Variants in ACACB observed in about 807,000 individuals in gnomAD.
ACACB encodes the protein acetyl-CoA carboxylase beta.
A neutral mutation model predicts 278.8 loss-of-function variants in ACACB; 209 were observed. The observed-to-expected ratio is 0.75, with a 90% CI of 0.67 to 0.84. The LOEUF is 0.84. Among genes scored for constraint, ACACB ranks in the 40% least tolerant of loss-of-function variants. ACACB has a pLI of 0.00. For synonymous variants in ACACB, 1,174 were observed against 1,285.6 expected (o/e 0.91, Z 1.86); for missense variants, 2,850 against 3,269.0 (o/e 0.87, Z 3.13).
Position 109,246,488 on chromosome 12 carries a change from G to T in ACACB, c.5571+40G>T. ...TGGCGGGGCAGGGTGATTCTGCTCA[G>T]CTACTACTGTATTTTCAGTGGGAGT... On this transcript the variant is annotated intron_variant, in intron 39 of 52. Coordinates refer to ENST00000338432, the MANE Select transcript of ACACB (RefSeq NM_001093.4). 3.1e-6 allele frequency: 5 copies of T among 1,592,206 alleles called. No homozygotes were observed. The South Asian group carries it at 5.6e-5, about 18-fold the overall frequency.
At position 109,171,872 on chromosome 12, in the gene ACACB, C is replaced by T. The variant is rs201273973; in HGVS notation, c.993C>T (p.Asn331=). Residue 331 remains asparagine (N), a synonymous_variant, in exon 5 of 53, where the codon AAC becomes AAT. Transcript: ENST00000338432. ...PGGPNNNNYA[N]VELIVDIAKR... ...GGCCCAATAACAACAACTATGCCAA[C>T]GTGGAGCTGATTGTGGACATTGCCA... 4.0e-4 allele frequency: 651 copies of T among 1,614,116 alleles called. 6 individuals carry two copies. In the South Asian group the frequency reaches 5.4e-3, roughly 13 times the overall value.
At chr12:109,242,895 G>T (rs1279106495) in intron 37 of ACACB, among the ~76,000 whole-genome samples, 1 of 152,152 alleles carries the variant, frequency 6.6e-6, no homozygotes, top group African/African-American at 2.4e-5. Flanking sequence ...GAGCCTGGGA[G>T]GTCGAGGCTG....
intron 3 of ACACB, 59 bp downstream of exon 3, chr12:109,167,052 C>T (rs1345264112): frequency 8.6e-5 from 139 of 1,607,780 alleles, no homozygotes; most frequent in Non-Finnish European, 1.2e-4. Context: ...GGCCCCTCCT[C>T]TCAGCTGGAG....
rs779743482 is a variant in ACACB, at chr12:109,188,173, CCTTCCTT to C, written c.2144+13_2144+19del. The C allele has an allele frequency of 5.0e-4, 20 of 40,298 alleles. No homozygotes were observed. The highest frequency in any genetic ancestry group is 2.6e-3 in the African/African-American group (5 of 1,958). 2.5% of individuals were successfully genotyped at this position (40,298 alleles called of 1,614,324 possible). On this transcript the variant is annotated intron_variant, in intron 13 of 52. Coordinates refer to ENST00000338432, the MANE Select transcript of ACACB (RefSeq NM_001093.4). ...GGAAGAGGCCATTTCGTCAGTATCT[CCTTCCTT>C]CCTTCCTTCCTTCCTTCCTTCCTTC...
intron 36 of ACACB, chr12:109,241,536 C>T (rs1472493766): frequency 2.1e-6 from 1 of 466,304 alleles, no homozygotes; most frequent in Non-Finnish European, 4.0e-6. Flanking sequence ...TTGATAGAGA[C>T]AAGGTGTCAC....
Position 109,237,397 on chromosome 12 carries a change from C to T in ACACB, c.4662+17C>T. The T allele has an allele frequency of 6.2e-7, 1 of 1,604,938 alleles. No homozygotes were observed. Among genetic ancestry groups the T allele is most frequent in the Non-Finnish European group, 8.5e-7 (1 of 1,174,898 alleles). Reference sequence around the variant, plus strand: ...ATCACAAAGGTAAGATGTCGCAGAGCATTTCTTCCTCTCTCAGAACCTGGC... The same window carrying T: ...ATCACAAAGGTAAGATGTCGCAGAGTATTTCTTCCTCTCTCAGAACCTGGC... On this transcript the variant is annotated intron_variant, in intron 34 of 52. Coordinates refer to ENST00000338432, the MANE Select transcript of ACACB (RefSeq NM_001093.4).
chr12:109,265,683 A>T (rs1437932484), intron 52 of ACACB, among the ~76,000 whole-genome samples, 158 bp downstream of exon 52: 1 of 151,696 alleles, frequency 6.6e-6, no homozygotes, highest in African/African-American at 2.4e-5. Context: ...AAGAGACCAC[A>T]CTCCCTAATG....
At chr12:109,229,310 G>A (rs1215155189) in intron 28 of ACACB, among the ~76,000 whole-genome samples, 3 of 152,128 alleles carry the variant, frequency 2.0e-5, no homozygotes, top group Non-Finnish European at 4.4e-5. Context: ...TCGTTTTACA[G>A]ATGGGAGCCC....
chr12:109,127,034 C>A (rs563896798), intron 1 of ACACB, among the ~76,000 whole-genome samples: 2 of 152,308 alleles, frequency 1.3e-5, no homozygotes, highest in African/African-American at 4.8e-5. Context: ...GGCTGGGATT[C>A]CCTGAAGACC....
intron 2 of ACACB, among the ~76,000 whole-genome samples, chr12:109,157,771 C>G (rs12818998): frequency 0.22 from 32,960 of 152,126 alleles, 4,142 homozygotes; most frequent in South Asian, 0.28. Context: ...GGTGAGGTCG[C>G]AAATGATGAC....
intron 21 of ACACB, among the ~76,000 whole-genome samples, chr12:109,210,491 A>ACG (rs2045799071): frequency 6.7e-6 from 1 of 148,458 alleles, no homozygotes; most frequent in Non-Finnish European, 1.5e-5. Flanking sequence ...ATGTGTATAT[A>ACG]TACATGTATG....
chr12:109,179,481 C>A, intron 10 of ACACB, 184 bp downstream of exon 10: 1 of 649,618 alleles, frequency 1.5e-6, no homozygotes. Context: ...TCTGTGAACT[C>A]CCCAAATATT....
At chr12:109,187,431 T>TTTTATTTATTTATTTA (rs59491550) in intron 12 of ACACB, among the ~76,000 whole-genome samples, 1 of 146,170 alleles carries the variant, frequency 6.8e-6, no homozygotes, top group Non-Finnish European at 1.5e-5. Flanking sequence ...AACTCGCTTA[T>TTTTATTTATTTATTTA]TTTATTTATT....
At chr12:109,172,015 C>T in intron 5 of ACACB, 101 bp downstream of exon 5, 2 of 983,130 alleles carry the variant, frequency 2.0e-6, no homozygotes, top group Non-Finnish European at 3.1e-6. Flanking sequence ...GGGTCCAGAT[C>T]CCACAAGGCT....
At chr12:109,171,013 ATTTTTT>A (rs59371391) in intron 4 of ACACB, among the ~76,000 whole-genome samples, 1 of 106,530 alleles carries the variant, frequency 9.4e-6, no homozygotes, top group African/African-American at 3.7e-5. Context: ...CTTTTTTTGG[ATTTTTT>A]TTTTTTTTTT....
rs540008873 is a variant in ACACB at position 109,185,874 on chromosome 12, T to C, written c.1980+134T>C. 23 of 764,960 alleles carry C rather than the reference T, an allele frequency of 3.0e-5. No individual in the cohort carries two copies. In the South Asian group the frequency reaches 5.0e-4, roughly 17 times the overall value. The allele number at this position is 764,960 out of a possible 1,614,324, so 47.4% of individuals were successfully genotyped here. Reference sequence around the variant, plus strand: ...GTTTACAAATGGGGAAACTGAGGCATGGGAAGGGACATCCCATGGTTTATT... The same window carrying C: ...GTTTACAAATGGGGAAACTGAGGCACGGGAAGGGACATCCCATGGTTTATT... On this transcript the variant is annotated intron_variant, in intron 12 of 52. Transcript: ENST00000338432.
At chr12:109,208,167 C>A (rs753192258) in intron 20 of ACACB, among the ~76,000 whole-genome samples, 8 of 152,006 alleles carry the variant, frequency 5.3e-5, no homozygotes, top group Non-Finnish European at 1.2e-4. Context: ...TGACTCTGTG[C>A]TCTTCGCCCC....
At chr12:109,253,452 C>T (rs1178799663) in intron 43 of ACACB, among the ~76,000 whole-genome samples, 2 of 152,174 alleles carry the variant, frequency 1.3e-5, no homozygotes, top group African/African-American at 4.8e-5. Context: ...AATACTGAGT[C>T]TTTAAGCTTT....
Position 109,209,217 on chromosome 12 carries a change from C to G in ACACB, c.3113C>G (p.Pro1038Arg). The G allele has an allele frequency of 6.2e-7, 1 of 1,609,944 alleles. No homozygotes were observed. The highest frequency in any genetic ancestry group is 8.5e-7 in the Non-Finnish European group (1 of 1,178,912). Residue 1038 changes from proline (P) to arginine (R), a missense_variant, in exon 21 of 53, where the codon CCG becomes CGG. Around this residue, in one of 3 missense-constraint regions of ACACB, gnomAD observed 2,265 missense variants for 2,561.3 expected, o/e 0.88. Coordinates refer to ENST00000338432, the MANE Select transcript of ACACB (RefSeq NM_001093.4). Reference protein sequence around the residue: ...LMMTLRHPSLPLLELQEIMTS... With the variant: ...LMMTLRHPSLRLLELQEIMTS... ...ATGACCCTCCGGCACCCGTCACTGC[C>G]GCTGCTGGAGCTGCAGGAGATCATG...
Sources: gnomAD v4.1 joint callset for allele counts (sites outside exome capture counted in the v4.1 genomes callset) on GRCh38, gnomAD v4.1.1 for gene constraint, gnomAD v4.1.1 regional missense constraint, MANE v1.5 for transcripts, NCBI Gene and HGNC (gene_info 2026-07-23, HGNC 2026-07-21) for gene names.